Variants in GCNT1 observed in about 807,000 individuals in gnomAD.
The protein encoded by GCNT1 is glucosaminyl (N-acetyl) transferase 1, also known as beta-1,3-galactosyl-O-glycosyl-glycoprotein beta-1,6-N-acetylglucosaminyltransferase.
Under a neutral mutation model 26.2 loss-of-function variants are expected in GCNT1, and 16 were observed. The observed-to-expected ratio is 0.61, with a 90% CI of 0.41 to 0.93. The LOEUF (loss-of-function observed/expected upper bound fraction) is 0.93, where lower values mean the gene tolerates loss of function less well. Ranked by LOEUF, GCNT1 falls within the 40% of genes least tolerant of loss-of-function variation. GCNT1 has a pLI of 0.00. For missense variants in GCNT1, 477 were observed against 526.7 expected, an observed-to-expected ratio of 0.91 and a Z score of 0.92; for synonymous variants, 183 against 190.8, an observed-to-expected ratio of 0.96 and a Z score of 0.34.
At chr9:76,480,585 C>G (rs901940984) in intron 2 of GCNT1, among the ~76,000 whole-genome samples, 1 of 152,276 alleles carries the variant, frequency 6.6e-6, no homozygotes, top group African/African-American at 2.4e-5. Flanking sequence ...GTTCTTCCCC[C>G]AGGCTGTCAG....
At chr9:76,466,538 G>A (rs12344941) in intron 2 of GCNT1, among the ~76,000 whole-genome samples, 74,180 of 152,014 alleles carry the variant, frequency 0.49, 20,063 homozygotes, top group African/African-American at 0.74. Context: ...CCTGAGCTGA[G>A]GCAATCTGCC....
chr9:76,500,787 A>G (rs1825042257), intron 2 of GCNT1, 129 bp from the exon 3 acceptor site: 1 of 152,234 alleles, frequency 6.6e-6, no homozygotes, highest in Admixed American at 6.5e-5. Flanking sequence ...TTTAAAAGAG[A>G]AAAGTTAACC....
At chr9:76,484,889 A>G (rs78474081) in intron 2 of GCNT1, among the ~76,000 whole-genome samples, 1 of 150,426 alleles carries the variant, frequency 6.6e-6, no homozygotes, top group Non-Finnish European at 1.5e-5. Flanking sequence ...CCCAGATTCA[A>G]GTGATTCTCC....
rs556108025 is a variant in GCNT1 at position 76,506,365 on chromosome 9, C to T, written c.*2697C>T. 1 of 166,848 alleles carries T rather than the reference C, an allele frequency of 6.0e-6. No homozygotes were observed. The highest frequency in any genetic ancestry group is 1.9e-4 in the East Asian group (1 of 5,182). The allele number at this position is 166,848 out of a possible 1,614,324, so 10.3% of individuals were successfully genotyped here. On this transcript the variant is annotated 3_prime_UTR_variant, in exon 4 of 4. Coordinates refer to ENST00000376730, the MANE Select transcript of GCNT1 (RefSeq NM_001490.5). ...ACCAGCCTAGCCAACATGACGAAAC[C>T]CCATCTCTACTGAAAATAGAAAAAA...
At chr9:76,470,660 A>C (rs1194265252) in intron 2 of GCNT1, among the ~76,000 whole-genome samples, 1 of 151,800 alleles carries the variant, frequency 6.6e-6, no homozygotes, top group Non-Finnish European at 1.5e-5. Context: ...CATTGTATAC[A>C]TGTCTTGTTT....
rs1250882356 is a variant in GCNT1 at position 76,467,081 on chromosome 9, T to C, written c.-290+6904T>C. 3.3e-5 allele frequency among the ~76,000 whole-genome samples: 5 copies of C among 152,032 alleles called. No homozygotes were observed. In the East Asian group the frequency reaches 7.7e-4, roughly 23 times the overall value. On this transcript the variant is annotated intron_variant, in intron 2 of 3. Transcript: ENST00000376730. ...TCTTTGAGATGGAGTCTTGCTCTGT[T>C]GCCCAGGCTGGAGTGCAGTGGCACG...
At chr9:76,493,628 C>T (rs996157734) in intron 2 of GCNT1, among the ~76,000 whole-genome samples, 1 of 152,048 alleles carries the variant, frequency 6.6e-6, no homozygotes, top group Non-Finnish European at 1.5e-5. Context: ...GATTTCTTTG[C>T]TTGTTTCCTT....
the GCNT1 span, chr9:76,394,012 G>C: frequency 7.1e-7 from 1 of 1,404,762 alleles, no homozygotes; most frequent in Middle Eastern, 2.4e-4. Flanking sequence ...CCACGCCCCG[G>C]TCCCAAGTCC....
At chr9:76,426,284 TCA>T (rs1453959960) in intron 1 of GCNT1, among the ~76,000 whole-genome samples, 2 of 152,208 alleles carry the variant, frequency 1.3e-5, no homozygotes, top group African/African-American at 4.8e-5. Flanking sequence ...AATAATTTTC[TCA>T]GTTATAATTT....
intron 2 of GCNT1, among the ~76,000 whole-genome samples, chr9:76,492,099 G>T (rs1714742323): frequency 6.6e-6 from 1 of 152,178 alleles, no homozygotes; most frequent in African/African-American, 2.4e-5. Flanking sequence ...TCTGAGTAAG[G>T]ACGCTAAGAG....
At chr9:76,425,759 A>G (rs1823251327) in intron 1 of GCNT1, among the ~76,000 whole-genome samples, 1 of 152,104 alleles carries the variant, frequency 6.6e-6, no homozygotes, top group Non-Finnish European at 1.5e-5. Context: ...TTTAAGGACA[A>G]TTTGGTGTGT....
rs1825149821 is a variant in GCNT1, at chr9:76,503,517, CAG to C, written c.1137_1138del (p.Cys381HisfsTer6). The C allele has an allele frequency of 6.2e-7, 1 of 1,614,086 alleles. No individual in the cohort carries two copies. ...CCCTGCGATGGAGTCCATGTGCGCT[CAG>C]TGTGCATTTTCGGAGCTGGTGACTT... is the stretch of plus-strand genomic sequence containing the variant. On this transcript the variant is annotated frameshift_variant, in exon 4 of 4. Transcript: ENST00000376730. LOFTEE classifies it high-confidence loss of function.
At chr9:76,399,558 G>A in the GCNT1 span, 2 of 1,478,092 alleles carry the variant, frequency 1.4e-6, no homozygotes, top group South Asian at 2.3e-5. Context: ...GCCACTGAAT[G>A]GGTAGGAGCA....
At chr9:76,476,288 G>A (rs1373065567) in intron 2 of GCNT1, among the ~76,000 whole-genome samples, 1 of 152,112 alleles carries the variant, frequency 6.6e-6, no homozygotes, top group East Asian at 1.9e-4. Flanking sequence ...CACAGGATGG[G>A]TGACCTCAGG....
intron 1 of GCNT1, among the ~76,000 whole-genome samples, chr9:76,449,647 G>A (rs1417047041): frequency 6.6e-6 from 1 of 152,116 alleles, no homozygotes. Flanking sequence ...CATTTCCCTT[G>A]TCTAGTAGCT....
chr9:76,414,453 G>GT, the GCNT1 span, among the ~76,000 whole-genome samples: 1 of 152,184 alleles, frequency 6.6e-6, no homozygotes, highest in Non-Finnish European at 1.5e-5. Context: ...ACAGAGTAAA[G>GT]TAAAAAGCAA....
chr9:76,429,303 A>C (rs1823303732), intron 1 of GCNT1, among the ~76,000 whole-genome samples: 1 of 151,916 alleles, frequency 6.6e-6, no homozygotes, highest in Non-Finnish European at 1.5e-5. Flanking sequence ...CATGTGTGAG[A>C]TTTTCTCCAA....
chr9:76,397,696 G>A, the GCNT1 span, among the ~76,000 whole-genome samples: 5 of 152,100 alleles, frequency 3.3e-5, no homozygotes, highest in East Asian at 1.9e-4. Context: ...CACCTTCCTC[G>A]GCCTCCCAAG....
chr9:76,428,302 A>AAAAAAAAAAAAAAAAAAAAAAAAAAAG (rs1222053703), intron 1 of GCNT1, among the ~76,000 whole-genome samples: 2 of 149,330 alleles, frequency 1.3e-5, no homozygotes, highest in African/African-American at 2.5e-5. Flanking sequence ...TAAAAAAAAA[A>AAAAAAAAAAAAAAAAAAAAAAAAAAAG]AGAGAGAGAG....
Sources: allele counts gnomAD v4.1 joint callset (sites outside exome capture counted in the v4.1 genomes callset), GRCh38; gene constraint gnomAD v4.1.1; transcripts MANE v1.5; gene names NCBI Gene and HGNC (gene_info 2026-07-23, HGNC 2026-07-21).